CORIN: variants seen among roughly 807,000 people sequenced by gnomAD.
CORIN encodes the protein corin, serine peptidase, also known as atrial natriuretic peptide-converting enzyme.
In CORIN, 117 loss-of-function variants were observed where a neutral mutation model predicts 125.3. That is an observed-to-expected ratio of 0.93 (90% CI 0.80 to 1.09). The LOEUF (loss-of-function observed/expected upper bound fraction) is 1.09, where lower values mean the gene tolerates loss of function less well. Ranked by LOEUF, CORIN falls within the 50% of genes least tolerant of loss-of-function variation. The probability of loss-of-function intolerance (pLI) is 0.00; values close to 1 mark genes in which losing one functional copy is unlikely to be tolerated. For missense variants in CORIN, 1,253 were observed against 1,306.7 expected (o/e 0.96, Z 0.63); for synonymous variants, 450 against 466.4 (o/e 0.96, Z 0.45).
chr4:47,815,228 C>G (rs1732215261), intron 1 of CORIN, among the ~76,000 whole-genome samples: 1 of 151,964 alleles, frequency 6.6e-6, no homozygotes, highest in African/African-American at 2.4e-5. Context: ...CACAAATACC[C>G]CAAAAGTAAA....
Position 47,806,954 on chromosome 4 carries a change from G to A in CORIN, c.157C>T (p.Pro53Ser). 1 of 1,613,780 alleles carries A rather than the reference G, an allele frequency of 6.2e-7. No individual in the cohort carries two copies. The highest frequency in any genetic ancestry group is 8.5e-7 in the Non-Finnish European group (1 of 1,179,742). ...LLRFLLLVLI[P>S]CICALVLLLV... is the part of the protein sequence containing the mutation. ...AAGAGAACGAGAGCACAGATACATG[G>A]AATCAGGACCAGCAATAGGAACCGG... The change falls in exon 2 of 22, where the codon CCA (proline) becomes TCA (serine). Residue 53 changes from proline to serine, a missense_variant. Transcript: ENST00000273857.
chr4:47,645,452 A>G (rs77285445), intron 13 of CORIN, among the ~76,000 whole-genome samples: 1 of 147,348 alleles, frequency 6.8e-6, no homozygotes, highest in Admixed American at 6.8e-5. Flanking sequence ...CTTTGTCTCA[A>G]AAAAAAAAAA....
intron 19 of CORIN, among the ~76,000 whole-genome samples, chr4:47,607,804 G>T (rs371444035): frequency 6.6e-6 from 1 of 152,126 alleles, no homozygotes; most frequent in East Asian, 1.9e-4. Flanking sequence ...CGAATTAACC[G>T]GATGTGGTGG....
At chr4:47,712,605 T>G (rs1193238490) in intron 5 of CORIN, among the ~76,000 whole-genome samples, 1 of 152,158 alleles carries the variant, frequency 6.6e-6, no homozygotes, top group Non-Finnish European at 1.5e-5. Context: ...TTTAAGGAAG[T>G]ATATGGCAAC....
rs142904418 is a variant in CORIN, at chr4:47,761,480, T to TACACAC, written c.617+1893_617+1898dup. 3.0e-3 allele frequency among the ~76,000 whole-genome samples: 428 copies of TACACAC among 144,480 alleles called. 2 individuals carry two copies. The highest frequency in any genetic ancestry group is 0.01 in the African/African-American group (401 of 39,368). The allele number at this position is 144,480 out of a possible 152,430, so 94.8% of individuals were successfully genotyped here. A position where few individuals can be genotyped will look rare whatever the true frequency, so the allele number is the denominator to read the frequency against. On this transcript the variant is annotated intron_variant, in intron 4 of 21. Transcript: ENST00000273857. Reference sequence around the variant, plus strand: ...CAATGAATGCATAAAGAAAATGTGATACACACACACACACACACACACACA... The same window carrying TACACAC: ...CAATGAATGCATAAAGAAAATGTGATACACACACACACACACACACACACACACACA...
chr4:47,684,311 AT>A (rs1335291522), intron 6 of CORIN, among the ~76,000 whole-genome samples: 13 of 152,222 alleles, frequency 8.5e-5, no homozygotes, highest in Non-Finnish European at 1.3e-4. Context: ...GCTTAAGTCA[AT>A]TGAGTGTTTC....
chr4:47,661,611 A>G, intron 12 of CORIN, 100 bp downstream of exon 12: 1 of 1,141,972 alleles, frequency 8.8e-7, no homozygotes, highest in East Asian at 2.5e-5. Flanking sequence ...AACTAAATAG[A>G]AAACAAACAA....
Position 47,723,723 on chromosome 4 carries a change from G to A in CORIN, c.799+20679C>T, listed in dbSNP as rs557901018. On this transcript the variant is annotated intron_variant, in intron 5 of 21. Coordinates refer to ENST00000273857, the MANE Select transcript of CORIN (RefSeq NM_006587.4). ...ATACAAAGAAGCAGGGCAAGGCCAG[G>A]CACGGTGGCTCATGCCTGTAATCCC... Among the ~76,000 whole-genome samples the A allele has an allele frequency of 5.3e-4, 81 of 151,716 alleles. 1 individual carries two copies. In the South Asian group the frequency reaches 8.4e-3, roughly 16 times the overall value.
chr4:47,727,779 GAC>G (rs147632303), intron 5 of CORIN, among the ~76,000 whole-genome samples: 17 of 152,156 alleles, frequency 1.1e-4, no homozygotes, highest in Non-Finnish European at 2.4e-4. Context: ...GGTTTCACTA[GAC>G]ACATTTAAAA....
intron 19 of CORIN, among the ~76,000 whole-genome samples, chr4:47,617,750 C>T (rs972122838): frequency 3.9e-5 from 6 of 152,126 alleles, no homozygotes; most frequent in African/African-American, 1.2e-4. Context: ...TCATACACTC[C>T]TAGAAGATAA....
intron 4 of CORIN, among the ~76,000 whole-genome samples, chr4:47,761,508 C>CAT (rs58530980): frequency 4.0e-5 from 6 of 151,308 alleles, no homozygotes; most frequent in South Asian, 4.2e-4. Flanking sequence ...CACACACACA[C>CAT]ATATACACAA....
intron 1 of CORIN, among the ~76,000 whole-genome samples, chr4:47,807,667 T>G (rs1476613860): frequency 6.6e-6 from 1 of 152,212 alleles, no homozygotes; most frequent in Non-Finnish European, 1.5e-5. Flanking sequence ...ATGCTACCCC[T>G]GCAGCCCATC....
chr4:47,768,924 C>T (rs1176554451), intron 3 of CORIN, among the ~76,000 whole-genome samples: 1 of 152,154 alleles, frequency 6.6e-6, no homozygotes, highest in Non-Finnish European at 1.5e-5. Flanking sequence ...ACAAGGATGC[C>T]TGCTCTTGCC....
At chr4:47,663,068 T>C (rs747325417) in intron 11 of CORIN, among the ~76,000 whole-genome samples, 2 of 152,214 alleles carry the variant, frequency 1.3e-5, no homozygotes, top group Admixed American at 1.3e-4. Context: ...AGTCATATGA[T>C]ACTTATTTGT....
intron 1 of CORIN, among the ~76,000 whole-genome samples, chr4:47,826,947 TTAA>T (rs1421593682): frequency 6.6e-6 from 1 of 152,228 alleles, no homozygotes; most frequent in Non-Finnish European, 1.5e-5. Flanking sequence ...AAAGATTTCA[TTAA>T]TAATTTTTAT....
At chr4:47,714,521 A>G (rs1007905738) in intron 5 of CORIN, among the ~76,000 whole-genome samples, 5 of 152,358 alleles carry the variant, frequency 3.3e-5, no homozygotes, top group Admixed American at 2.6e-4. Context: ...TAGAACTGGA[A>G]CTACGATTTT....
rs373873941 is a variant in CORIN at position 47,674,416 on chromosome 4, G to C, written c.1334C>G (p.Pro445Arg). 13 of 1,613,070 alleles carry C rather than the reference G, an allele frequency of 8.1e-6. No homozygotes were observed. The highest frequency in any genetic ancestry group is 1.1e-5 in the Non-Finnish European group (13 of 1,179,116). Residue 445 changes from proline (P) to arginine (R), a missense_variant, in exon 10 of 22, where the codon CCG (proline) becomes CGG (arginine). Physicochemically the swap from Pro to Arg is moderately radical, Grantham distance 103 (BLOSUM62 -2). Transcript: ENST00000273857. ...DSCGGSSLCD[P>R]NNSLNNCSQC... ...ACTACAGTTATTCAGACTGTTGTTCGGGTCACAGAGAGAGCTACCACCACA... is the reference window on the plus strand; with the variant it reads ...ACTACAGTTATTCAGACTGTTGTTCCGGTCACAGAGAGAGCTACCACCACA...
At chr4:47,724,481 A>G (rs1322318678) in intron 5 of CORIN, among the ~76,000 whole-genome samples, 1 of 152,174 alleles carries the variant, frequency 6.6e-6, no homozygotes, top group Non-Finnish European at 1.5e-5. Flanking sequence ...TGAAAATTTA[A>G]TGGCTGAAGT....
chr4:47,595,437 G>T lies in CORIN; in HGVS notation c.*284C>A. 4.5e-6 allele frequency: 1 copy of T among 222,112 alleles called. No individual in the cohort carries two copies. The highest frequency in any genetic ancestry group is 8.8e-6 in the Non-Finnish European group (1 of 113,136). 13.8% of individuals were successfully genotyped at this position (222,112 alleles called of 1,614,324 possible). ...CCTGATTTTAAATCTCGCCAGAGTC[G>T]ATAATTTTGTGCTGCAGTCATGGTT... On this transcript the variant is annotated 3_prime_UTR_variant, in exon 22 of 22. Coordinates refer to ENST00000273857, the MANE Select transcript of CORIN (RefSeq NM_006587.4).
Sources: gnomAD v4.1 joint callset for allele counts (sites outside exome capture counted in the v4.1 genomes callset) on GRCh38, gnomAD v4.1.1 for gene constraint, MANE v1.5 for transcripts, NCBI Gene and HGNC (gene_info 2026-07-23, HGNC 2026-07-21) for gene names.